The following THAP1 variants were observed in gnomAD, a reference collection of about 807,000 sequenced individuals.
THAP1 encodes THAP domain containing 1, also known as THAP domain-containing protein 1.
Under a neutral mutation model 18.2 loss-of-function variants are expected in THAP1, and 6 were observed. That is an observed-to-expected ratio of 0.33 (90% CI 0.18 to 0.65). The LOEUF is 0.65. Ranked by LOEUF, THAP1 falls within the 30% of genes least tolerant of loss-of-function variation. The pLI is 0.74. For synonymous variants in THAP1, 85 were observed against 90.5 expected, an observed-to-expected ratio of 0.94 and a Z score of 0.34; for missense variants, 176 against 253.0, an observed-to-expected ratio of 0.70 and a Z score of 2.06.
intron 1 of THAP1, 157 bp downstream of exon 1, chr8:42,842,867 G>T: frequency 2.2e-6 from 1 of 451,564 alleles, no homozygotes; most frequent in Non-Finnish European, 3.1e-6. Context: ...TCGGGCGGCG[G>T]TTCCCAGCGG....
chr8:42,839,061 C>T, intron 2 of THAP1, 125 bp downstream of exon 2: 1 of 1,003,954 alleles, frequency 1.0e-6, no homozygotes, highest in Non-Finnish European at 1.5e-6. Context: ...AAGTGTATCA[C>T]TGTTAACTAC....
rs1563646310 is a variant in THAP1, at chr8:42,843,269, G to A, written c.-175C>T. ...TGTGCCCGTTTTGTTGTTTGCATTA[G>A]CAGAAGGACCACAGCCATCGCCCGT... is the stretch of plus-strand genomic sequence containing the variant. On this transcript the variant is annotated 5_prime_UTR_variant, in exon 1 of 3. Transcript: ENST00000254250. 6.8e-6 allele frequency: 5 copies of A among 733,178 alleles called. No homozygotes were observed. The highest frequency in any genetic ancestry group is 5.6e-5 in the East Asian group (2 of 35,968). 45.4% of individuals were successfully genotyped at this position (733,178 alleles called of 1,614,324 possible). A position where few individuals can be genotyped will look rare whatever the true frequency, so the allele number is the denominator to read the frequency against.
At chr8:42,842,256 T>C (rs1013338584) in intron 1 of THAP1, among the ~76,000 whole-genome samples, 3 of 152,202 alleles carry the variant, frequency 2.0e-5, no homozygotes, top group African/African-American at 7.2e-5. Context: ...CTCTGCACTT[T>C]TTTCCTATTT....
At chr8:42,839,116 C>T in intron 2 of THAP1, 70 bp downstream of exon 2, 2 of 1,554,606 alleles carry the variant, frequency 1.3e-6, no homozygotes, top group Non-Finnish European at 1.8e-6. Flanking sequence ...CTCAATTTTC[C>T]ACATTTTAAT....
chr8:42,840,965 C>CAAAAA (rs1029278824), intron 1 of THAP1, among the ~76,000 whole-genome samples: 32 of 46,688 alleles, frequency 6.9e-4, no homozygotes, highest in South Asian at 2.3e-3. Context: ...GACTCCATCT[C>CAAAAA]AAAAAAAAAA....
chr8:42,842,101 G>A (rs932592464), intron 1 of THAP1, among the ~76,000 whole-genome samples: 2 of 152,196 alleles, frequency 1.3e-5, no homozygotes, highest in Non-Finnish European at 2.9e-5. Flanking sequence ...CCCTGGATCT[G>A]ATTTCTTACC....
chr8:42,838,232 C>T lies in THAP1; in HGVS notation c.372G>A (p.Gln124=), dbSNP rs201010904. The T allele has an allele frequency of 2.0e-5, 32 of 1,614,004 alleles. No homozygotes were observed. Among genetic ancestry groups the T allele is most frequent in the Non-Finnish European group, 2.5e-5 (30 of 1,180,030 alleles). ...AAIGLLMPPL[Q]TPVNLSVFCD... The stretch of plus-strand genomic sequence containing the variant: ...AGAAAACTGAGAGATTAACAGGGGT[C>T]TGAAGAGGCGGCATTAGTAATCCAA... Residue 124 remains glutamine (Q), a synonymous_variant, in exon 3 of 3, where the codon CAG becomes CAA. Transcript: ENST00000254250.
intron 1 of THAP1, 60 bp from the exon 2 acceptor site, chr8:42,839,441 A>G: frequency 6.4e-7 from 1 of 1,564,420 alleles, no homozygotes; most frequent in Non-Finnish European, 8.8e-7. Flanking sequence ...AAAGGCACCC[A>G]AACTTTCCAG....
rs1586455851 is a variant in THAP1 at position 42,837,463 on chromosome 8, A to G, written c.*499T>C. The G allele has an allele frequency of 6.6e-6, 1 of 152,662 alleles. No individual in the cohort carries two copies. The highest frequency in any genetic ancestry group is 1.5e-5 in the Non-Finnish European group (1 of 68,074). 9.5% of individuals were successfully genotyped at this position (152,662 alleles called of 1,614,324 possible). On this transcript the variant is annotated 3_prime_UTR_variant, in exon 3 of 3. Coordinates refer to ENST00000254250, the MANE Select transcript of THAP1 (RefSeq NM_018105.3). ...TCTTTGATAACTGATTCAGAAAGAT[A>G]AATGAACCTTGTGACTTTACATATG... is the stretch of plus-strand genomic sequence containing the variant.
chr8:42,840,892 G>A (rs559934080), intron 1 of THAP1, among the ~76,000 whole-genome samples: 3 of 151,494 alleles, frequency 2.0e-5, no homozygotes, highest in African/African-American at 7.3e-5. Flanking sequence ...ACTTGAACTC[G>A]GGAGGCAGAG....
Position 42,837,570 on chromosome 8 carries a change from A to G in THAP1, c.*392T>C, listed in dbSNP as rs1802637428. 6.4e-6 allele frequency: 1 copy of G among 157,328 alleles called. No individual in the cohort carries two copies. The highest frequency in any genetic ancestry group is 2.4e-5 in the African/African-American group (1 of 41,506). 9.7% of individuals were successfully genotyped at this position (157,328 alleles called of 1,614,324 possible). A position where few individuals can be genotyped will look rare whatever the true frequency, so the allele number is the denominator to read the frequency against. Reference sequence around the variant, plus strand: ...CATACTTCTGATTTAAAATATAACTAAATTCTCTCAATAAAACAGTACTAA... The same window carrying G: ...CATACTTCTGATTTAAAATATAACTGAATTCTCTCAATAAAACAGTACTAA... On this transcript the variant is annotated 3_prime_UTR_variant, in exon 3 of 3. Transcript: ENST00000254250.
Position 42,837,325 on chromosome 8 carries a change from A to T in THAP1, c.*637T>A, listed in dbSNP as rs894487223. The stretch of plus-strand genomic sequence containing the variant: ...TAGGGGAAAAAATAGGAGCCCATGT[A>T]AAAAAAAAAAATCCACTCTTAGAAT... On this transcript the variant is annotated 3_prime_UTR_variant, in exon 3 of 3. Transcript: ENST00000254250. 2.0e-5 allele frequency: 3 copies of T among 146,454 alleles called. No individual in the cohort carries two copies. Among genetic ancestry groups the T allele is most frequent in the East Asian group, 2.0e-4 (1 of 5,094 alleles). 9.1% of individuals were successfully genotyped at this position (146,454 alleles called of 1,614,324 possible). A position where few individuals can be genotyped will look rare whatever the true frequency, so the allele number is the denominator to read the frequency against.
chr8:42,839,064 T>A lies in THAP1; in HGVS notation c.267+122A>T, dbSNP rs1802668419. On this transcript the variant is annotated intron_variant, in intron 2 of 2. Coordinates refer to ENST00000254250, the MANE Select transcript of THAP1 (RefSeq NM_018105.3). ...TTGTGTTTTCAGAAGTGTATCACTG[T>A]TAACTACAAGGTTCCAGGCACATTT... The A allele has an allele frequency of 1.9e-5, 20 of 1,042,556 alleles. No individual in the cohort carries two copies. The Middle Eastern group carries it at 7.3e-4, about 38-fold the overall frequency. The allele number at this position is 1,042,556 out of a possible 1,614,324, so 64.6% of individuals were successfully genotyped here.
At chr8:42,842,864 G>A (rs965399242) in intron 1 of THAP1, 160 bp downstream of exon 1, 21 of 409,812 alleles carry the variant, frequency 5.1e-5, no homozygotes, top group African/African-American at 2.2e-5. Flanking sequence ...CGATCGGGCG[G>A]CGGTTCCCAG....
intron 1 of THAP1, among the ~76,000 whole-genome samples, chr8:42,841,347 G>A (rs955041967): frequency 8.1e-6 from 1 of 124,118 alleles, no homozygotes; most frequent in South Asian, 2.5e-4. Context: ...TGTTACCCAA[G>A]CTGGAGTGCA....
At chr8:42,841,449 C>A (rs771554733) in intron 1 of THAP1, among the ~76,000 whole-genome samples, 7 of 151,866 alleles carry the variant, frequency 4.6e-5, no homozygotes, top group Non-Finnish European at 1.0e-4. Flanking sequence ...TACAGGCGTA[C>A]GCCTGTATTT....
chr8:42,837,059 AT>A lies in THAP1; in HGVS notation c.*902del, dbSNP rs1802626648. The A allele has an allele frequency of 6.6e-6, 1 of 152,248 alleles. No individual in the cohort carries two copies. Among genetic ancestry groups the A allele is most frequent in the East Asian group, 1.9e-4 (1 of 5,204 alleles). The allele number at this position is 152,248 out of a possible 1,614,324, so 9.4% of individuals were successfully genotyped here. A position where few individuals can be genotyped will look rare whatever the true frequency, so the allele number is the denominator to read the frequency against. Reference sequence around the variant, plus strand: ...TTGTCCCAACTCAGTCAAGTGCAAGATTATCATATGATACAAATCAAACTCT... The same window carrying A: ...TTGTCCCAACTCAGTCAAGTGCAAGATATCATATGATACAAATCAAACTCT... On this transcript the variant is annotated 3_prime_UTR_variant, in exon 3 of 3. Transcript: ENST00000254250.
At chr8:42,840,068 G>A (rs1198561821) in intron 1 of THAP1, among the ~76,000 whole-genome samples, 1 of 152,106 alleles carries the variant, frequency 6.6e-6, no homozygotes, top group Non-Finnish European at 1.5e-5. Context: ...ATGGTGGTAT[G>A]TGCCCAGGTA....
At position 42,837,759 on chromosome 8, in the gene THAP1, A is replaced by T. The variant is rs1243657646; in HGVS notation, c.*203T>A. ...GAGGTTAGTTTATAACTTTTAAAAT[A>T]TTTTGTTAAAATGTAAAAAACCTGA... On this transcript the variant is annotated 3_prime_UTR_variant, in exon 3 of 3. Transcript: ENST00000254250. 2 of 429,350 alleles carry T rather than the reference A, an allele frequency of 4.7e-6. No homozygotes were observed. The highest frequency in any genetic ancestry group is 7.5e-6 in the Non-Finnish European group (2 of 268,324). The allele number at this position is 429,350 out of a possible 1,614,324, so 26.6% of individuals were successfully genotyped here. A position where few individuals can be genotyped will look rare whatever the true frequency, so the allele number is the denominator to read the frequency against.
Sources: allele counts gnomAD v4.1 joint callset (sites outside exome capture counted in the v4.1 genomes callset), GRCh38; gene constraint gnomAD v4.1.1; transcripts MANE v1.5; gene names NCBI Gene and HGNC (gene_info 2026-07-23, HGNC 2026-07-21).